Variants in MBNL2 observed in about 807,000 individuals in gnomAD.
MBNL2 encodes muscleblind like splicing regulator 2.
A neutral mutation model predicts 41.9 loss-of-function variants in MBNL2; 17 were observed. That is an observed-to-expected ratio of 0.41 (90% CI 0.28 to 0.61). The LOEUF (loss-of-function observed/expected upper bound fraction) is 0.61, where lower values mean the gene tolerates loss of function less well. MBNL2 is among the 20% of genes least tolerant of loss of function. The pLI, the probability that MBNL2 is intolerant of heterozygous loss-of-function variation, is 0.35. For missense variants in MBNL2, 336 were observed against 505.6 expected (o/e 0.66, Z 3.22); for synonymous variants, 195 against 182.9 (o/e 1.07, Z -0.53).
chr13:97,186,274 G>C, the MBNL2 span, among the ~76,000 whole-genome samples: 1 of 152,126 alleles, frequency 6.6e-6, no homozygotes, highest in Admixed American at 6.5e-5. Flanking sequence ...AACTGAGCTC[G>C]TAATTTCCCC....
At chr13:97,246,558 G>T (rs2045516943) in intron 1 of MBNL2, among the ~76,000 whole-genome samples, 1 of 152,176 alleles carries the variant, frequency 6.6e-6, no homozygotes, top group Non-Finnish European at 1.5e-5. Context: ...CTAATCCAGA[G>T]AGAAGTCTGC....
At chr13:97,152,194 C>T in the MBNL2 span, among the ~76,000 whole-genome samples, 5 of 151,690 alleles carry the variant, frequency 3.3e-5, no homozygotes, top group East Asian at 3.9e-4. Context: ...TTAAAAAATA[C>T]GTACAAAAAA....
intron 1 of MBNL2, among the ~76,000 whole-genome samples, chr13:97,254,906 C>T (rs76217644): frequency 3.3e-5 from 5 of 152,190 alleles, no homozygotes; most frequent in Admixed American, 1.3e-4. Flanking sequence ...TATTTCCAGC[C>T]GCAAAGGTGA....
At chr13:97,201,268 A>G in the MBNL2 span, among the ~76,000 whole-genome samples, 1 of 152,208 alleles carries the variant, frequency 6.6e-6, no homozygotes, top group Non-Finnish European at 1.5e-5. Context: ...TCTGATTCGC[A>G]TTCCCGTTTC....
chr13:97,247,581 T>C (rs2045715326), intron 1 of MBNL2, among the ~76,000 whole-genome samples: 1 of 152,222 alleles, frequency 6.6e-6, no homozygotes, highest in East Asian at 1.9e-4. Context: ...CTTGGAGCAT[T>C]AGAATATTCC....
chr13:97,182,520 T>C, the MBNL2 span, among the ~76,000 whole-genome samples: 6 of 152,226 alleles, frequency 3.9e-5, no homozygotes, highest in East Asian at 1.2e-3. Flanking sequence ...AGTGGAAAAC[T>C]GATGAGACAC....
At chr13:97,340,323 A>G (rs2061348436) in intron 3 of MBNL2, among the ~76,000 whole-genome samples, 1 of 152,130 alleles carries the variant, frequency 6.6e-6, no homozygotes, top group Non-Finnish European at 1.5e-5. Context: ...ATGAACTTGC[A>G]ACTTTCAGTT....
chr13:97,312,159 A>ATG (rs2058670693), intron 2 of MBNL2, among the ~76,000 whole-genome samples: 1 of 152,238 alleles, frequency 6.6e-6, no homozygotes, highest in Admixed American at 6.5e-5. Context: ...ATAGCTGCAC[A>ATG]TGTCAACAGT....
chr13:97,269,872 A>G (rs1252922341), intron 1 of MBNL2, among the ~76,000 whole-genome samples: 1 of 152,222 alleles, frequency 6.6e-6, no homozygotes, highest in Non-Finnish European at 1.5e-5. Flanking sequence ...CCTGGTCATC[A>G]TATGGAACTA....
chr13:97,295,268 A>G (rs2056837305), intron 2 of MBNL2, among the ~76,000 whole-genome samples: 2 of 152,154 alleles, frequency 1.3e-5, no homozygotes, highest in Admixed American at 6.5e-5. Flanking sequence ...TTTCCATCTC[A>G]AGAGCTGCTC....
At chr13:97,358,685 T>A (rs1040941399) in intron 7 of MBNL2, among the ~76,000 whole-genome samples, 3 of 152,198 alleles carry the variant, frequency 2.0e-5, no homozygotes, top group African/African-American at 7.2e-5. Context: ...TAAGTCCTGG[T>A]GGGAAGACCA....
At chr13:97,190,066 G>A in the MBNL2 span, among the ~76,000 whole-genome samples, 6 of 152,168 alleles carry the variant, frequency 3.9e-5, no homozygotes, top group Non-Finnish European at 5.9e-5. Flanking sequence ...CGTGGGGCTC[G>A]GGCCACCTGC....
intron 2 of MBNL2, among the ~76,000 whole-genome samples, chr13:97,319,740 C>T (rs1298891430): frequency 6.6e-6 from 1 of 152,038 alleles, no homozygotes; most frequent in Non-Finnish European, 1.5e-5. Context: ...AAAAATTATC[C>T]CAACATTTCT....
rs1375908306 is a variant in MBNL2 at position 97,334,367 on chromosome 13, A to G, written c.266A>G (p.Gln89Arg). ...ATTAATGGAAGGAACAATTTGATTCAGCAAAAAACTGCAGCAGCAATGCTT... is the reference window on the plus strand; with the variant it reads ...ATTAATGGAAGGAACAATTTGATTCGGCAAAAAACTGCAGCAGCAATGCTT... ...LEINGRNNLI[Q>R]QKTAAAMLAQ... The change falls in exon 3 of 9, where the codon CAG becomes CGG. Residue 89 changes from glutamine to arginine, a missense_variant. Physicochemically the swap from Gln to Arg is conservative, Grantham distance 43. Coordinates refer to ENST00000679496, the MANE Select transcript of MBNL2 (RefSeq NM_001382683.1). This position sits in a 1 kb window ranked among gnomAD's most constrained non-coding sequence, Gnocchi z 5.3. The G allele has an allele frequency of 1.9e-6, 3 of 1,613,848 alleles. No homozygotes were observed. Among genetic ancestry groups the G allele is most frequent in the Non-Finnish European group, 1.7e-6 (2 of 1,179,804 alleles).
chr13:97,257,099 A>T (rs1398263278), intron 1 of MBNL2, among the ~76,000 whole-genome samples: 1 of 152,140 alleles, frequency 6.6e-6, no homozygotes, highest in Non-Finnish European at 1.5e-5. Flanking sequence ...AGAGAGCATG[A>T]ATAGGTAACC....
intron 1 of MBNL2, among the ~76,000 whole-genome samples, chr13:97,236,394 A>T (rs2043279149): frequency 6.6e-6 from 1 of 151,960 alleles, no homozygotes; most frequent in Non-Finnish European, 1.5e-5. Flanking sequence ...GTGGTATCTG[A>T]AAGGTTGGAG....
chr13:97,347,036 C>T lies in MBNL2; in HGVS notation c.773C>T (p.Ala258Val). The T allele has an allele frequency of 6.2e-7, 1 of 1,610,422 alleles. No homozygotes were observed. The highest frequency in any genetic ancestry group is 8.5e-7 in the Non-Finnish European group (1 of 1,178,444). The change falls in exon 5 of 9, where the codon GCC (alanine) becomes GTC (valine). Residue 258 changes from alanine (A) to valine (V), a missense_variant. Physicochemically the swap from Ala to Val is moderately conservative, Grantham distance 64. Transcript: ENST00000679496. Reference sequence around the variant, plus strand: ...CAAGCCAACCAAGCTGCGGTGGCCGCCCAGGCAGCCGCGGCCGCGGCCACA... The same window carrying T: ...CAAGCCAACCAAGCTGCGGTGGCCGTCCAGGCAGCCGCGGCCGCGGCCACA... The part of the protein sequence containing the change: ...QHQANQAAVA[A>V]QAAAAAATVM...
intron 7 of MBNL2, among the ~76,000 whole-genome samples, chr13:97,358,280 C>T (rs2063145497): frequency 1.3e-5 from 2 of 152,058 alleles, no homozygotes; most frequent in Admixed American, 1.3e-4. Flanking sequence ...TAGTGATCTC[C>T]TCATCCAGCT....
chr13:97,285,153 C>T (rs2054176620), intron 2 of MBNL2, among the ~76,000 whole-genome samples: 1 of 152,154 alleles, frequency 6.6e-6, no homozygotes, highest in South Asian at 2.1e-4. Flanking sequence ...TAAAAAATGA[C>T]ACAATAGGAA....
Sources: allele counts gnomAD v4.1 joint callset (sites outside exome capture counted in the v4.1 genomes callset), GRCh38; gene constraint gnomAD v4.1.1; non-coding constraint Gnocchi (gnomAD v3.1); transcripts MANE v1.5; gene names NCBI Gene and HGNC (gene_info 2026-07-23, HGNC 2026-07-21).